Variants in CYP39A1 observed in about 807,000 individuals in gnomAD.
CYP39A1 encodes 24-hydroxycholesterol 7-alpha-hydroxylase.
Under a neutral mutation model 58.1 loss-of-function variants are expected in CYP39A1, and 49 were observed. That is an observed-to-expected ratio of 0.84 (90% CI 0.67 to 1.07). CYP39A1 has a LOEUF of 1.07. CYP39A1 is among the 50% of genes least tolerant of loss of function. CYP39A1 has a pLI of 0.00. For synonymous variants in CYP39A1, 209 were observed against 187.6 expected, an observed-to-expected ratio of 1.11 and a Z score of -0.93; for missense variants, 531 against 539.4, an observed-to-expected ratio of 0.98 and a Z score of 0.16.
intron 10 of CYP39A1, among the ~76,000 whole-genome samples, chr6:46,561,096 T>C (rs1466513635): frequency 1.3e-5 from 2 of 152,210 alleles, no homozygotes; most frequent in African/African-American, 4.8e-5. Flanking sequence ...ATAACTAAGT[T>C]GGCATTTCAT....
chr6:46,608,693 C>T (rs1185827865), intron 7 of CYP39A1, among the ~76,000 whole-genome samples: 1 of 152,050 alleles, frequency 6.6e-6, no homozygotes, highest in Non-Finnish European at 1.5e-5. Flanking sequence ...CGGCTGATTG[C>T]AACCTCCGCC....
chr6:46,638,922 G>C (rs1051560159), intron 3 of CYP39A1, among the ~76,000 whole-genome samples: 1 of 152,114 alleles, frequency 6.6e-6, no homozygotes, highest in African/African-American at 2.4e-5. Context: ...CTTCAGAATG[G>C]GGCTGACTCC....
rs748717869 is a variant in CYP39A1 at position 46,630,598 on chromosome 6, T to A, written c.840+365A>T. Among the ~76,000 whole-genome samples, 18 of 152,168 alleles carry A rather than the reference T, an allele frequency of 1.2e-4. 1 individual carries two copies. The highest frequency in any genetic ancestry group is 2.4e-4 in the Non-Finnish European group (16 of 68,040). On this transcript the variant is annotated intron_variant, in intron 6 of 11. Transcript: ENST00000275016. ...TTACTTACTCTTTCCAATAAAAGCATGTGGCCAATCCCTATTCATCTTTTC... is the reference window on the plus strand; with the variant it reads ...TTACTTACTCTTTCCAATAAAAGCAAGTGGCCAATCCCTATTCATCTTTTC...
intron 7 of CYP39A1, among the ~76,000 whole-genome samples, chr6:46,617,641 C>G (rs1311139151): frequency 6.6e-6 from 1 of 152,136 alleles, no homozygotes; most frequent in African/African-American, 2.4e-5. Flanking sequence ...GTATTGTCAA[C>G]TTTCATGCCA....
chr6:46,631,525 C>T (rs905656234), intron 5 of CYP39A1, among the ~76,000 whole-genome samples: 1 of 152,178 alleles, frequency 6.6e-6, no homozygotes, highest in African/African-American at 2.4e-5. Context: ...GTGTTATTAT[C>T]TCTGCCCTCC....
chr6:46,594,543 A>G (rs767305178), intron 8 of CYP39A1, among the ~76,000 whole-genome samples: 1 of 152,140 alleles, frequency 6.6e-6, no homozygotes, highest in Non-Finnish European at 1.5e-5. Context: ...AAAGGTTCCA[A>G]GAACATACAA....
In CYP39A1 at chr6:46,652,649, C is replaced by T. The variant is rs548111993; in HGVS notation, c.-67G>A. On this transcript the variant is annotated 5_prime_UTR_variant, in exon 1 of 12. Coordinates refer to ENST00000275016, the MANE Select transcript of CYP39A1 (RefSeq NM_016593.5). ...AGTCCTGCCGTCCCTTGCTTCTTTTCTGTGGGCTACGGAACCTGTCGGGAC... is the reference window on the plus strand; with the variant it reads ...AGTCCTGCCGTCCCTTGCTTCTTTTTTGTGGGCTACGGAACCTGTCGGGAC... 6.9e-7 allele frequency: 1 copy of T among 1,446,764 alleles called. No homozygotes were observed. The highest frequency in any genetic ancestry group is 9.2e-7 in the Non-Finnish European group (1 of 1,085,134). 89.6% of individuals were successfully genotyped at this position (1,446,764 alleles called of 1,614,324 possible). A position where few individuals can be genotyped will look rare whatever the true frequency, so the allele number is the denominator to read the frequency against.
chr6:46,579,648 C>T (rs906479692), intron 10 of CYP39A1, among the ~76,000 whole-genome samples: 8 of 152,030 alleles, frequency 5.3e-5, no homozygotes, highest in Admixed American at 5.2e-4. Context: ...TGATAAATAA[C>T]TTCAGTAAAG....
chr6:46,610,822 G>A (rs1020023283), intron 7 of CYP39A1, among the ~76,000 whole-genome samples: 2 of 152,034 alleles, frequency 1.3e-5, no homozygotes, highest in African/African-American at 4.8e-5. Context: ...TCTTTATTTA[G>A]ATTGTTTTAA....
intron 1 of CYP39A1, among the ~76,000 whole-genome samples, chr6:46,648,090 G>A (rs1253529276): frequency 1.3e-5 from 2 of 152,104 alleles, no homozygotes; most frequent in African/African-American, 4.8e-5. Context: ...CAACCATTGT[G>A]GAAGACAGTG....
At chr6:46,581,223 C>T (rs1276436348) in intron 10 of CYP39A1, among the ~76,000 whole-genome samples, 2 of 152,046 alleles carry the variant, frequency 1.3e-5, no homozygotes, top group African/African-American at 4.8e-5. Flanking sequence ...GCCTATGAAA[C>T]ATAGTGAGAC....
At chr6:46,651,350 T>C (rs1762676234) in intron 1 of CYP39A1, among the ~76,000 whole-genome samples, 1 of 152,206 alleles carries the variant, frequency 6.6e-6, no homozygotes, top group South Asian at 2.1e-4. Flanking sequence ...TGACAAAATA[T>C]AGCCATAAAA....
intron 10 of CYP39A1, among the ~76,000 whole-genome samples, chr6:46,557,492 T>C (rs963315354): frequency 6.6e-6 from 1 of 151,494 alleles, no homozygotes; most frequent in African/African-American, 2.4e-5. Context: ...AATACAAAAA[T>C]ATTAGCTGGG....
rs190887545 is a variant in CYP39A1, at chr6:46,634,583, G to A, written c.732+1806C>T. 2.4e-3 allele frequency among the ~76,000 whole-genome samples: 354 copies of A among 148,080 alleles called. 1 individual carries two copies. Among genetic ancestry groups the A allele is most frequent in the African/African-American group, 2.9e-3 (117 of 39,962 alleles). ...GTCACCCAGGTTGGAGTGCAGTGGC[G>A]CAATCTCGGCGCACCATAACCTCCG... On this transcript the variant is annotated intron_variant, in intron 5 of 11. Transcript: ENST00000275016.
intron 7 of CYP39A1, among the ~76,000 whole-genome samples, chr6:46,624,295 T>C (rs1775164927): frequency 6.6e-6 from 1 of 152,200 alleles, no homozygotes; most frequent in Non-Finnish European, 1.5e-5. Flanking sequence ...GCATTGCCTT[T>C]TTCCATTTGT....
chr6:46,625,561 AAG>A, intron 6 of CYP39A1, 53 bp from the exon 7 acceptor site: 1 of 1,369,108 alleles, frequency 7.3e-7, no homozygotes, highest in South Asian at 1.2e-5. Flanking sequence ...AGGTGAACAA[AAG>A]CATATTTAGT....
chr6:46,637,735 C>T, intron 4 of CYP39A1, 94 bp downstream of exon 4: 1 of 1,355,234 alleles, frequency 7.4e-7, no homozygotes, highest in Non-Finnish European at 1.0e-6. Flanking sequence ...CCCACTTAAA[C>T]TGCTGTTACA....
At position 46,592,218 on chromosome 6, in the gene CYP39A1, G is replaced by A. The variant is rs547943967; in HGVS notation, c.1065+3769C>T. Among the ~76,000 whole-genome samples, 4 of 152,228 alleles carry A rather than the reference G, an allele frequency of 2.6e-5. No homozygotes were observed. The South Asian group carries it at 6.2e-4, about 24-fold the overall frequency. On this transcript the variant is annotated intron_variant, in intron 8 of 11. Coordinates refer to ENST00000275016, the MANE Select transcript of CYP39A1 (RefSeq NM_016593.5). ...AGGCAAAAGCAAACAAAGAGAGCCTGTTCGAACTACCTTAGGGAAGGGTGG... is the reference window on the plus strand; with the variant it reads ...AGGCAAAAGCAAACAAAGAGAGCCTATTCGAACTACCTTAGGGAAGGGTGG...
At chr6:46,629,740 T>C (rs944918826) in intron 6 of CYP39A1, among the ~76,000 whole-genome samples, 1 of 152,204 alleles carries the variant, frequency 6.6e-6, no homozygotes, top group East Asian at 1.9e-4. Flanking sequence ...TGCCCACACA[T>C]ATCATCATGG....
Sources: gnomAD v4.1 joint callset for allele counts (sites outside exome capture counted in the v4.1 genomes callset) on GRCh38, gnomAD v4.1.1 for gene constraint, MANE v1.5 for transcripts, NCBI Gene and HGNC (gene_info 2026-07-23, HGNC 2026-07-21) for gene names.